SH2D4A: variants seen among roughly 807,000 people sequenced by gnomAD.
SH2D4A encodes SH2 domain containing 4A, also known as SH2 domain-containing protein 4A.
In SH2D4A, 70 loss-of-function variants were observed where a neutral mutation model predicts 64.7. That is an observed-to-expected ratio of 1.08 (90% CI 0.89 to 1.32). The LOEUF (loss-of-function observed/expected upper bound fraction) is 1.32. Ranked by LOEUF, SH2D4A falls within the 40% of genes most tolerant of loss-of-function variation. The probability of loss-of-function intolerance (pLI) is 0.00; values close to 1 mark genes in which losing one functional copy is unlikely to be tolerated. For missense variants in SH2D4A, 706 were observed against 540.1 expected (o/e 1.31, Z -3.04); for synonymous variants, 268 against 200.7 (o/e 1.34, Z -2.83).
chr8:19,390,806 C>T (rs768155945), intron 8 of SH2D4A, among the ~76,000 whole-genome samples: 7 of 152,132 alleles, frequency 4.6e-5, no homozygotes, highest in African/African-American at 7.2e-5. Flanking sequence ...AAGATCTATG[C>T]GTAAGGCTAA....
At position 19,373,659 on chromosome 8, in the gene SH2D4A, T is replaced by C; in HGVS notation, c.1047T>C (p.His349=). The C allele has an allele frequency of 2.5e-6, 4 of 1,612,906 alleles. No individual in the cohort carries two copies. The highest frequency in any genetic ancestry group is 3.4e-6 in the Non-Finnish European group (4 of 1,179,380). ...KTSDTIAPWF[H]GILTLKKANE... is the part of the protein sequence containing the mutation. ...CAGACACCATAGCCCCCTGGTTCCA[T>C]GGTGAGTGCAGAGATTTCCTCAATG... Residue 349 remains histidine, a splice_region_variant and synonymous_variant, in exon 8 of 10, where the codon CAT becomes CAC. Transcript: ENST00000265807.
chr8:19,363,987 G>T (rs867287637), intron 6 of SH2D4A, 85 bp from the exon 7 acceptor site: 72 of 1,292,366 alleles, frequency 5.6e-5, no homozygotes, highest in South Asian at 2.1e-4. Context: ...AACCTGCGCT[G>T]CTGCCCGTTG....
chr8:19,366,050 C>T (rs1019085829), intron 7 of SH2D4A, among the ~76,000 whole-genome samples: 3 of 152,038 alleles, frequency 2.0e-5, no homozygotes, highest in African/African-American at 7.3e-5. Flanking sequence ...GTATGTCACA[C>T]GTAACTCAGA....
intron 8 of SH2D4A, among the ~76,000 whole-genome samples, chr8:19,389,278 T>C (rs759057084): frequency 2.4e-4 from 36 of 152,180 alleles, no homozygotes; most frequent in Non-Finnish European, 4.9e-4. Flanking sequence ...CCATCTCCTA[T>C]GCAAAAAATG....
At chr8:19,329,398 A>T (rs1180192096) in intron 2 of SH2D4A, among the ~76,000 whole-genome samples, 2 of 152,074 alleles carry the variant, frequency 1.3e-5, no homozygotes, top group Non-Finnish European at 2.9e-5. Context: ...TGAAGTTCTA[A>T]TAATTTTAGA....
chr8:19,366,276 C>G (rs1585188172), intron 7 of SH2D4A, among the ~76,000 whole-genome samples: 2 of 152,086 alleles, frequency 1.3e-5, no homozygotes, highest in African/African-American at 4.8e-5. Flanking sequence ...TATGAATCAC[C>G]TCAAACACTT....
intron 8 of SH2D4A, among the ~76,000 whole-genome samples, chr8:19,380,172 A>G (rs2053268495): frequency 1.3e-5 from 2 of 152,098 alleles, no homozygotes; most frequent in African/African-American, 2.4e-5. Flanking sequence ...CCATTTGTAT[A>G]TCTTCTTTGA....
intron 8 of SH2D4A, among the ~76,000 whole-genome samples, chr8:19,378,380 T>C (rs995305506): frequency 6.6e-6 from 1 of 152,218 alleles, no homozygotes; most frequent in Non-Finnish European, 1.5e-5. Context: ...GGAGACTCTA[T>C]TTATTATGTA....
intron 8 of SH2D4A, among the ~76,000 whole-genome samples, chr8:19,380,179 T>C (rs13265589): frequency 0.13 from 19,492 of 152,192 alleles, 1,532 homozygotes; most frequent in East Asian, 0.32. Flanking sequence ...TATATCTTCT[T>C]TGACAAATGT....
At chr8:19,388,142 C>G (rs1045639108) in intron 8 of SH2D4A, among the ~76,000 whole-genome samples, 5 of 152,168 alleles carry the variant, frequency 3.3e-5, no homozygotes, top group Admixed American at 2.6e-4. Flanking sequence ...TCGGCTCATT[C>G]CAGGAAAATT....
chr8:19,391,666 C>T (rs866106405), intron 8 of SH2D4A, among the ~76,000 whole-genome samples: 1 of 152,140 alleles, frequency 6.6e-6, no homozygotes, highest in African/African-American at 2.4e-5. Flanking sequence ...AAATAGGAAG[C>T]AGGAGAAGGT....
intron 2 of SH2D4A, among the ~76,000 whole-genome samples, chr8:19,327,247 G>T (rs2052296665): frequency 6.6e-6 from 1 of 152,104 alleles, no homozygotes; most frequent in South Asian, 2.1e-4. Context: ...GTATAAACAT[G>T]ATTCAAGGAC....
At chr8:19,357,367 T>A in intron 5 of SH2D4A, 84 bp downstream of exon 5, 1 of 1,001,756 alleles carries the variant, frequency 1.0e-6, no homozygotes, top group Non-Finnish European at 1.6e-6. Flanking sequence ...ATTAATCTCA[T>A]GCAGAAATGA....
intron 8 of SH2D4A, among the ~76,000 whole-genome samples, chr8:19,384,664 C>G (rs1288861868): frequency 2.0e-5 from 3 of 152,206 alleles, no homozygotes; most frequent in Non-Finnish European, 4.4e-5. Flanking sequence ...GTTATTCTGG[C>G]TTCAGATTAT....
At chr8:19,382,400 G>A (rs896725272) in intron 8 of SH2D4A, among the ~76,000 whole-genome samples, 4 of 152,082 alleles carry the variant, frequency 2.6e-5, no homozygotes, top group South Asian at 2.1e-4. Context: ...TGGTGTGAAC[G>A]TGATACACAT....
chr8:19,376,455 C>T (rs1659306184), intron 8 of SH2D4A, among the ~76,000 whole-genome samples: 1 of 152,054 alleles, frequency 6.6e-6, no homozygotes, highest in South Asian at 2.1e-4. Flanking sequence ...AACCCAATCT[C>T]TACTAAAAAT....
At chr8:19,346,885 T>C (rs1304701721) in intron 4 of SH2D4A, among the ~76,000 whole-genome samples, 1 of 152,162 alleles carries the variant, frequency 6.6e-6, no homozygotes, top group Non-Finnish European at 1.5e-5. Flanking sequence ...CAATAAAAGA[T>C]ATTGTTCTTA....
intron 1 of SH2D4A, among the ~76,000 whole-genome samples, chr8:19,318,005 G>A (rs1404524954): frequency 6.6e-6 from 1 of 151,884 alleles, no homozygotes; most frequent in African/African-American, 2.4e-5. Context: ...AGGTTCAAGC[G>A]ATCTCCTGTC....
At chr8:19,339,031 G>T (rs2052486885) in intron 4 of SH2D4A, among the ~76,000 whole-genome samples, 1 of 152,222 alleles carries the variant, frequency 6.6e-6, no homozygotes, top group Admixed American at 6.5e-5. Flanking sequence ...TCAAAAGCAG[G>T]GAAGCCGACA....
Sources: allele counts gnomAD v4.1 joint callset (sites outside exome capture counted in the v4.1 genomes callset), GRCh38; gene constraint gnomAD v4.1.1; transcripts MANE v1.5; gene names NCBI Gene and HGNC (gene_info 2026-07-23, HGNC 2026-07-21).